DNAJC10: variants seen among roughly 807,000 people sequenced by gnomAD.
DNAJC10 encodes endoplasmic reticulum disulfide reductase DNAJC10.
Under a neutral mutation model 115.0 loss-of-function variants are expected in DNAJC10, and 101 were observed. The ratio of observed to expected loss-of-function variants is 0.88; its 90% CI spans 0.75 to 1.04. DNAJC10 has a LOEUF of 1.04. Ranked by LOEUF, DNAJC10 falls within the 50% of genes least tolerant of loss-of-function variation. DNAJC10 has a pLI of 0.00. For synonymous variants in DNAJC10, 307 were observed against 301.5 expected, an observed-to-expected ratio of 1.02 and a Z score of -0.19; for missense variants, 981 against 928.8, an observed-to-expected ratio of 1.06 and a Z score of -0.73.
chr2:182,770,605 G>T (rs1574957830), intron 22 of DNAJC10, among the ~76,000 whole-genome samples: 2 of 152,196 alleles, frequency 1.3e-5, no homozygotes, highest in East Asian at 1.9e-4. Flanking sequence ...CTCATGATTT[G>T]GCTCTCTGTT....
At chr2:182,717,744 C>T (rs1416888396) in intron 2 of DNAJC10, among the ~76,000 whole-genome samples, 197 bp from the exon 3 acceptor site, 2 of 152,158 alleles carry the variant, frequency 1.3e-5, no homozygotes, top group Non-Finnish European at 2.9e-5. Context: ...CCACTCATGA[C>T]CTTTTTTCTG....
intron 22 of DNAJC10, among the ~76,000 whole-genome samples, chr2:182,773,372 T>C (rs1694617453): frequency 6.6e-6 from 1 of 152,242 alleles, no homozygotes; most frequent in Non-Finnish European, 1.5e-5. Flanking sequence ...AATTTGAATG[T>C]TGGCCTGCCT....
Position 182,791,550 on chromosome 2 carries a change from G to C in DNAJC10, c.*14418G>C, listed in dbSNP as rs190278062. The C allele has an allele frequency of 5.3e-5, 8 of 152,250 alleles. No individual in the cohort carries two copies. In the East Asian group the frequency reaches 1.5e-3, roughly 29 times the overall value. 9.4% of individuals were successfully genotyped at this position (152,250 alleles called of 1,614,324 possible). A position where few individuals can be genotyped will look rare whatever the true frequency, so the allele number is the denominator to read the frequency against. On this transcript the variant is annotated 3_prime_UTR_variant, in exon 24 of 24. Coordinates refer to ENST00000264065, the MANE Select transcript of DNAJC10 (RefSeq NM_018981.4). ...TTATATAGTTGTTAGCAAAATATTG[G>C]TCAAAACTTTTTCAGTTTAATGAGT...
Position 182,782,679 on chromosome 2 carries a change from A to G in DNAJC10, c.*5547A>G, listed in dbSNP as rs888214015. 2 of 152,168 alleles carry G rather than the reference A, an allele frequency of 1.3e-5. No individual in the cohort carries two copies. Among genetic ancestry groups the G allele is most frequent in the Admixed American group, 6.5e-5 (1 of 15,272 alleles). 9.4% of individuals were successfully genotyped at this position (152,168 alleles called of 1,614,324 possible). On this transcript the variant is annotated 3_prime_UTR_variant, in exon 24 of 24. Coordinates refer to ENST00000264065, the MANE Select transcript of DNAJC10 (RefSeq NM_018981.4). ...TAGGTATTTAATTCTCTTTGTAGCA[A>G]TTGTGAATGGGAGTTCACTCACGAT... is the stretch of plus-strand genomic sequence containing the variant.
intron 3 of DNAJC10, among the ~76,000 whole-genome samples, chr2:182,718,748 G>A (rs1303150486): frequency 6.6e-6 from 1 of 152,170 alleles, no homozygotes; most frequent in East Asian, 1.9e-4. Flanking sequence ...CCACAAACCA[G>A]AGTTAGAAAG....
rs1318556432 is a variant in DNAJC10, at chr2:182,786,931, A to ATT, written c.*9799_*9800insTT. The ATT allele has an allele frequency of 1.3e-5, 2 of 152,082 alleles. No individual in the cohort carries two copies. Among genetic ancestry groups the ATT allele is most frequent in the African/African-American group, 4.8e-5 (2 of 41,380 alleles). 9.4% of individuals were successfully genotyped at this position (152,082 alleles called of 1,614,324 possible). On this transcript the variant is annotated 3_prime_UTR_variant, in exon 24 of 24. Transcript: ENST00000264065. ...CTTTTTGAGATTGGTACACTTATAA[A>ATT]AGAGACCCCAGTATCTTGCTCGTCC... is the stretch of plus-strand genomic sequence containing the variant.
chr2:182,746,279 A>G (rs2105655979), intron 14 of DNAJC10, among the ~76,000 whole-genome samples: 1 of 152,286 alleles, frequency 6.6e-6, no homozygotes, highest in Middle Eastern at 3.4e-3. Context: ...GTCAAATGGT[A>G]TTTCCAGTTC....
rs541425839 is a variant in DNAJC10 at position 182,777,993 on chromosome 2, C to G, written c.*861C>G. ...AATATGTTATCAAGTATTTAGAGTTCTATATTTTAAAGATATATGTGTTCA... is the reference window on the plus strand; with the variant it reads ...AATATGTTATCAAGTATTTAGAGTTGTATATTTTAAAGATATATGTGTTCA... On this transcript the variant is annotated 3_prime_UTR_variant, in exon 24 of 24. Coordinates refer to ENST00000264065, the MANE Select transcript of DNAJC10 (RefSeq NM_018981.4). 14 of 152,220 alleles carry G rather than the reference C, an allele frequency of 9.2e-5. No individual in the cohort carries two copies. The Middle Eastern group carries it at 0.014, about 148-fold the overall frequency. 9.4% of individuals were successfully genotyped at this position (152,220 alleles called of 1,614,324 possible).
At chr2:182,740,136 A>G in intron 11 of DNAJC10, 163 bp from the exon 12 acceptor site, 1 of 1,158,388 alleles carries the variant, frequency 8.6e-7, no homozygotes, top group Non-Finnish European at 1.1e-6. Context: ...TAATTGCCAA[A>G]ATACACTTTT....
intron 11 of DNAJC10, among the ~76,000 whole-genome samples, chr2:182,738,586 G>T (rs1693645544): frequency 6.6e-6 from 1 of 151,780 alleles, no homozygotes; most frequent in African/African-American, 2.4e-5. Flanking sequence ...TGTCGCCCAG[G>T]CTGGAGTGCA....
chr2:182,728,753 A>G, intron 6 of DNAJC10, 95 bp downstream of exon 6: 1 of 1,499,550 alleles, frequency 6.7e-7, no homozygotes, highest in Non-Finnish European at 9.1e-7. Context: ...GTAATCAAAA[A>G]TAATTATCAA....
In DNAJC10 at chr2:182,784,741, G is replaced by GCTCT. The variant is rs1337837654; in HGVS notation, c.*7610_*7613dup. 3 of 152,148 alleles carry GCTCT rather than the reference G, an allele frequency of 2.0e-5. No homozygotes were observed. The highest frequency in any genetic ancestry group is 7.2e-5 in the African/African-American group (3 of 41,422). 9.4% of individuals were successfully genotyped at this position (152,148 alleles called of 1,614,324 possible). A position where few individuals can be genotyped will look rare whatever the true frequency, so the allele number is the denominator to read the frequency against. On this transcript the variant is annotated 3_prime_UTR_variant, in exon 24 of 24. Transcript: ENST00000264065. ...AACTTTTATTGTAAAATTTAAGGTA[G>GCTCT]CTCTACCTGCTAAAGTAGCACCTAT...
At chr2:182,726,009 A>T (rs1693273978) in intron 5 of DNAJC10, among the ~76,000 whole-genome samples, 1 of 152,216 alleles carries the variant, frequency 6.6e-6, no homozygotes, top group South Asian at 2.1e-4. Context: ...GATTCCTCTG[A>T]TGGATCCAGG....
intron 16 of DNAJC10, chr2:182,752,713 CAAAA>C (rs61411602): frequency 4.4e-4 from 72 of 164,308 alleles, no homozygotes; most frequent in Non-Finnish European, 7.5e-4. Flanking sequence ...ATACTTTGGG[CAAAA>C]AAAAAAAAAA....
chr2:182,772,397 C>G (rs146813504), intron 22 of DNAJC10, among the ~76,000 whole-genome samples: 62 of 152,250 alleles, frequency 4.1e-4, no homozygotes, highest in African/African-American at 1.5e-3. Context: ...TCTCATTGAT[C>G]TAATATTAAC....
Position 182,740,298 on chromosome 2 carries a change from G to T in DNAJC10, c.988-1G>T. The stretch of plus-strand genomic sequence containing the variant: ...ATTACAATGTGATTTTCTTTTTCTA[G>T]TTTCTCAACTCATTGGATGCTAAAG... On this transcript the variant is annotated splice_acceptor_variant, in intron 11 of 23. Transcript: ENST00000264065. LOFTEE classifies it high-confidence loss of function. 7.0e-7 allele frequency: 1 copy of T among 1,425,186 alleles called. No individual in the cohort carries two copies. The highest frequency in any genetic ancestry group is 9.5e-7 in the Non-Finnish European group (1 of 1,055,530). The allele number at this position is 1,425,186 out of a possible 1,614,324, so 88.3% of individuals were successfully genotyped here.
intron 10 of DNAJC10, among the ~76,000 whole-genome samples, chr2:182,733,814 TAGA>T (rs1693514118): frequency 3.3e-5 from 5 of 151,146 alleles, no homozygotes; most frequent in Non-Finnish European, 7.4e-5. Context: ...GATAGATAGA[TAGA>T]TAGATAGATA....
chr2:182,792,643 G>A lies in DNAJC10; in HGVS notation c.*15511G>A, dbSNP rs192626586. ...ATTAGAGGCCTATAACCTCAAACCA[G>A]TTTATCTGCAAGAGAAGTGTGTGAA... On this transcript the variant is annotated 3_prime_UTR_variant, in exon 24 of 24. Coordinates refer to ENST00000264065, the MANE Select transcript of DNAJC10 (RefSeq NM_018981.4). The A allele has an allele frequency of 2.7e-4, 41 of 152,298 alleles. No homozygotes were observed. Among genetic ancestry groups the A allele is most frequent in the African/African-American group, 7.9e-4 (33 of 41,562 alleles). The allele number at this position is 152,298 out of a possible 1,614,324, so 9.4% of individuals were successfully genotyped here.
In DNAJC10 at chr2:182,717,955, G is replaced by T. The variant is rs1478564754; in HGVS notation, c.-132G>T. 5.6e-6 allele frequency: 3 copies of T among 538,714 alleles called. No individual in the cohort carries two copies. Among genetic ancestry groups the T allele is most frequent in the South Asian group, 4.0e-5 (1 of 24,988 alleles). 33.4% of individuals were successfully genotyped at this position (538,714 alleles called of 1,614,324 possible). A position where few individuals can be genotyped will look rare whatever the true frequency, so the allele number is the denominator to read the frequency against. On this transcript the variant is annotated 5_prime_UTR_variant, in exon 3 of 24. Transcript: ENST00000264065. ...TTCTTTCTTAGATTAATATTTTTGG[G>T]GACAGATTTGTGATGCTTGATTCAC...
Sources: gnomAD v4.1 joint callset for allele counts (sites outside exome capture counted in the v4.1 genomes callset) on GRCh38, gnomAD v4.1.1 for gene constraint, MANE v1.5 for transcripts, NCBI Gene and HGNC (gene_info 2026-07-23, HGNC 2026-07-21) for gene names.